Variants in TTLL11 observed in about 807,000 individuals in gnomAD.
TTLL11 encodes the protein tubulin tyrosine ligase like 11.
In TTLL11, 42 loss-of-function variants were observed where a neutral mutation model predicts 51.7. The observed-to-expected ratio is 0.81, with a 90% CI of 0.64 to 1.05. The LOEUF (loss-of-function observed/expected upper bound fraction) is 1.05, where lower values mean the gene tolerates loss of function less well. Among genes scored for constraint, TTLL11 ranks in the 50% least tolerant of loss-of-function variants. The probability of loss-of-function intolerance (pLI) is 0.00; values close to 1 mark genes in which losing one functional copy is unlikely to be tolerated. For synonymous variants in TTLL11, 381 were observed against 383.5 expected (o/e 0.99, Z 0.08); for missense variants, 799 against 940.4 (o/e 0.85, Z 1.97).
chr9:122,040,434 C>A (rs1180127085), intron 1 of TTLL11: 1 of 984,230 alleles, frequency 1.0e-6, no homozygotes, highest in Non-Finnish European at 1.2e-6. Context: ...TATCAACAAG[C>A]TCTGCATTTA....
At chr9:122,034,902 C>A (rs1249388855) in intron 2 of TTLL11, among the ~76,000 whole-genome samples, 6 of 152,196 alleles carry the variant, frequency 3.9e-5, no homozygotes, top group African/African-American at 9.6e-5. Flanking sequence ...GCTCTAGGAC[C>A]AATTCTGAAC....
chr9:121,995,917 A>G lies in TTLL11; in HGVS notation c.694-6147T>C, dbSNP rs71497049. On this transcript the variant is annotated intron_variant, in intron 3 of 8. Coordinates refer to ENST00000321582, the MANE Select transcript of TTLL11 (RefSeq NM_001139442.2). The surrounding 1 kb of genome is among the most constrained non-coding windows in gnomAD (Gnocchi z 4.4). ...AACAGACCTCTCAAGCTCCGTGGTG[A>G]GCGCGGGAACCACGGGCCCGTGAGA... 0.26 allele frequency among the ~76,000 whole-genome samples: 40,002 copies of G among 151,822 alleles called. 5,616 individuals are homozygous for G. Among genetic ancestry groups the G allele is most frequent in the Non-Finnish European group, 0.29 (19,644 of 67,838 alleles).
At chr9:121,837,490 G>A (rs958459545) in intron 8 of TTLL11, among the ~76,000 whole-genome samples, 5 of 152,074 alleles carry the variant, frequency 3.3e-5, no homozygotes, top group African/African-American at 1.2e-4. Flanking sequence ...TGCTGTGGGC[G>A]GTCTGGCAGG....
chr9:122,010,870 G>A (rs1362013053), intron 3 of TTLL11, among the ~76,000 whole-genome samples: 1 of 152,202 alleles, frequency 6.6e-6, no homozygotes, highest in African/African-American at 2.4e-5. Context: ...TTCAAAGCAA[G>A]ATCTGCCACC....
At chr9:121,983,367 A>G (rs1007639164) in intron 4 of TTLL11, among the ~76,000 whole-genome samples, 3 of 152,202 alleles carry the variant, frequency 2.0e-5, no homozygotes, top group African/African-American at 7.2e-5. Context: ...ACTGGGATAT[A>G]CCAATCTGGA....
intron 6 of TTLL11, among the ~76,000 whole-genome samples, chr9:121,956,518 T>TGG (rs998210104): frequency 2.0e-5 from 3 of 152,240 alleles, no homozygotes; most frequent in Admixed American, 2.0e-4. Flanking sequence ...CCTGTATTAC[T>TGG]GGCAAGCTCT....
chr9:122,044,130 T>C (rs1844929755), intron 1 of TTLL11, among the ~76,000 whole-genome samples: 1 of 152,204 alleles, frequency 6.6e-6, no homozygotes, highest in African/African-American at 2.4e-5. Flanking sequence ...GTCCTTGCGA[T>C]AGTTTGCTGA....
chr9:121,935,917 C>G (rs558489792), intron 6 of TTLL11, among the ~76,000 whole-genome samples: 4 of 152,300 alleles, frequency 2.6e-5, no homozygotes, highest in African/African-American at 9.6e-5. Flanking sequence ...CAGAGCACAG[C>G]CCCGACAGGT....
chr9:122,052,862 T>C (rs1024155510), intron 1 of TTLL11, among the ~76,000 whole-genome samples: 1 of 152,114 alleles, frequency 6.6e-6, no homozygotes, highest in East Asian at 1.9e-4. Flanking sequence ...AGGGCCTGGG[T>C]TTCATCATCT....
At chr9:121,865,433 A>G (rs1399237210) in intron 7 of TTLL11, among the ~76,000 whole-genome samples, 1 of 152,214 alleles carries the variant, frequency 6.6e-6, no homozygotes, top group Non-Finnish European at 1.5e-5. Flanking sequence ...AAGATGCTGC[A>G]TTTCCTAGAA....
At chr9:121,936,820 T>G (rs1348903498) in intron 6 of TTLL11, among the ~76,000 whole-genome samples, 1 of 152,236 alleles carries the variant, frequency 6.6e-6, no homozygotes, top group Non-Finnish European at 1.5e-5. Flanking sequence ...ATGCAAATAG[T>G]TATGAAACAT....
At chr9:121,928,800 G>A (rs770798994) in intron 6 of TTLL11, among the ~76,000 whole-genome samples, 18 of 152,088 alleles carry the variant, frequency 1.2e-4, no homozygotes, top group Non-Finnish European at 2.2e-4. Flanking sequence ...TTGAACTCCT[G>A]GGCTCAAGTG....
chr9:122,079,017 T>G (rs1159286660), intron 1 of TTLL11, among the ~76,000 whole-genome samples: 1 of 152,234 alleles, frequency 6.6e-6, no homozygotes, highest in African/African-American at 2.4e-5. Context: ...ACTTTCTGGC[T>G]ATTGTGAATA....
At chr9:122,068,459 C>A (rs1845648497) in intron 1 of TTLL11, among the ~76,000 whole-genome samples, 1 of 152,026 alleles carries the variant, frequency 6.6e-6, no homozygotes, top group Admixed American at 6.6e-5. Context: ...AGATAAAAGT[C>A]CACATAGTAT....
chr9:121,826,568 T>TAC (rs1254604843), intron 8 of TTLL11, among the ~76,000 whole-genome samples: 1 of 118,974 alleles, frequency 8.4e-6, no homozygotes, highest in Admixed American at 8.8e-5. Context: ...TATATATATA[T>TAC]ATATATATAT....
At chr9:122,050,079 C>A (rs908771001) in intron 1 of TTLL11, among the ~76,000 whole-genome samples, 1 of 152,082 alleles carries the variant, frequency 6.6e-6, no homozygotes, top group Non-Finnish European at 1.5e-5. Context: ...ACCCACCACA[C>A]CCCACTCAGA....
chr9:121,898,918 C>T (rs1839646383), intron 6 of TTLL11, among the ~76,000 whole-genome samples: 1 of 152,210 alleles, frequency 6.6e-6, no homozygotes, highest in African/African-American at 2.4e-5. Flanking sequence ...TCCTTGTCCT[C>T]ATGCCTGCTT....
At chr9:121,926,692 G>A (rs1450870771) in intron 6 of TTLL11, among the ~76,000 whole-genome samples, 1 of 152,216 alleles carries the variant, frequency 6.6e-6, no homozygotes, top group Non-Finnish European at 1.5e-5. Flanking sequence ...ACTTTGAGTG[G>A]TTCTTCCTCC....
intron 3 of TTLL11, among the ~76,000 whole-genome samples, chr9:122,012,128 C>T (rs190460517): frequency 8.3e-4 from 127 of 152,254 alleles, no homozygotes; most frequent in Middle Eastern, 3.4e-3. Context: ...AGATTTCTTT[C>T]TTTCTTTGGA....
Sources: gnomAD v4.1 joint callset for allele counts (sites outside exome capture counted in the v4.1 genomes callset) on GRCh38, gnomAD v4.1.1 for gene constraint, Gnocchi (gnomAD v3.1) non-coding constraint, MANE v1.5 for transcripts, NCBI Gene and HGNC (gene_info 2026-07-23, HGNC 2026-07-21) for gene names.